NR2C2: variants seen among roughly 807,000 people sequenced by gnomAD.
NR2C2 encodes the protein nuclear receptor subfamily 2 group C member 2, also known as Nuclear hormone receptor TR4.
A neutral mutation model predicts 62.9 loss-of-function variants in NR2C2; 6 were observed. The observed-to-expected ratio is 0.10, with a 90% CI of 0.05 to 0.19. NR2C2 has a LOEUF of 0.19. Ranked by LOEUF, NR2C2 falls within the 10% of genes least tolerant of loss-of-function variation. The pLI, the probability that NR2C2 is intolerant of heterozygous loss-of-function variation, is 1.00. For synonymous variants in NR2C2, 272 were observed against 273.8 expected (o/e 0.99, Z 0.07); for missense variants, 479 against 762.7 (o/e 0.63, Z 4.38).
intron 8 of NR2C2, 31 bp downstream of exon 8, chr3:15,028,750 C>T (rs544100115): frequency 2.5e-6 from 4 of 1,605,202 alleles, no homozygotes; most frequent in South Asian, 1.1e-5. Context: ...AGTCTCCCCT[C>T]CTCGCCTGGA....
rs906650554 is a variant in NR2C2, at chr3:15,023,320, C to T, written c.677C>T (p.Thr226Met). 7 of 1,614,084 alleles carry T rather than the reference C, an allele frequency of 4.3e-6. No individual in the cohort carries two copies. Among genetic ancestry groups the T allele is most frequent in the Admixed American group, 3.3e-5 (2 of 60,010 alleles). ...AGAAGTCCCCTGATAGCTACTCCCA[C>T]GTTTGTGGCAGACAAAGATGGAGCA... Reference protein sequence around the residue: ...DLRSPLIATPTFVADKDGARQ... With the variant: ...DLRSPLIATPMFVADKDGARQ... Residue 226 changes from threonine to methionine, a missense_variant, in exon 6 of 14, where the codon ACG becomes ATG. Thr to Met is a moderately conservative substitution (Grantham distance 81). Transcript: ENST00000425241.
At chr3:14,978,820 C>T (rs901230120) in intron 1 of NR2C2, among the ~76,000 whole-genome samples, 1 of 152,152 alleles carries the variant, frequency 6.6e-6, no homozygotes, top group African/African-American at 2.4e-5. Context: ...CTTTGGTTCA[C>T]TCTTTGGTTC....
At position 15,023,229 on chromosome 3, in the gene NR2C2, G is replaced by A. The variant is rs2041726681; in HGVS notation, c.586G>A (p.Val196Met). 1 of 1,614,088 alleles carries A rather than the reference G, an allele frequency of 6.2e-7. No homozygotes were observed. Among genetic ancestry groups the A allele is most frequent in the Non-Finnish European group, 8.5e-7 (1 of 1,180,040 alleles). Residue 196 changes from valine (V) to methionine (M), a missense_variant, in exon 6 of 14, where the codon GTG becomes ATG. Transcript: ENST00000425241. ...SVQSERKPFD[V>M]QREKPSNCAA... ...GCAGAGTGAACGGAAGCCCTTCGATGTGCAACGGGAGAAACCAAGCAATTG... is the reference window on the plus strand; with the variant it reads ...GCAGAGTGAACGGAAGCCCTTCGATATGCAACGGGAGAAACCAAGCAATTG...
intron 1 of NR2C2, among the ~76,000 whole-genome samples, chr3:14,960,980 A>G (rs2039673684): frequency 6.6e-6 from 1 of 152,228 alleles, no homozygotes; most frequent in South Asian, 2.1e-4. Context: ...GAAACAAGTA[A>G]AAGTTAAGTT....
intron 4 of NR2C2, among the ~76,000 whole-genome samples, chr3:15,017,726 A>G (rs566008428): frequency 6.6e-5 from 10 of 152,390 alleles, no homozygotes; most frequent in Admixed American, 2.0e-4. Flanking sequence ...AAGGCACTTT[A>G]CCACAACTAT....
rs1442751407 is a variant in NR2C2 at position 15,032,397 on chromosome 3, A to G, written c.1129A>G (p.Met377Val). 5 of 1,614,182 alleles carry G rather than the reference A, an allele frequency of 3.1e-6. No homozygotes were observed. Among genetic ancestry groups the G allele is most frequent in the Non-Finnish European group, 4.2e-6 (5 of 1,180,018 alleles). The change falls in exon 10 of 14, where the codon ATG becomes GTG. Residue 377 changes from methionine to valine, a missense_variant. Transcript: ENST00000425241. ...TTTCCAGCTAACAATGCCCAGTCCA[A>G]TGCCAGAGTACCTCAACGTGCACTA... ...VTFKLTMPSPMPEYLNVHYIC... is the reference protein window; with the variant it reads ...VTFKLTMPSPVPEYLNVHYIC...
At chr3:14,949,662 C>T (rs146979068) in intron 1 of NR2C2, among the ~76,000 whole-genome samples, 1,719 of 152,308 alleles carry the variant, frequency 0.011, 15 homozygotes, top group Non-Finnish European at 0.016. Flanking sequence ...TTCAGTTCAT[C>T]AAGTATTTCC....
intron 13 of NR2C2, among the ~76,000 whole-genome samples, 181 bp downstream of exon 13, chr3:15,039,408 A>G (rs1367932417): frequency 2.0e-5 from 3 of 152,192 alleles, no homozygotes; most frequent in African/African-American, 7.2e-5. Context: ...AGCTAGAGAT[A>G]ATTCTTGAAT....
At position 15,016,193 on chromosome 3, in the gene NR2C2, G is replaced by T. The variant is rs775673691; in HGVS notation, c.315G>T (p.Lys105Asn). 3 of 1,614,146 alleles carry T rather than the reference G, an allele frequency of 1.9e-6. No homozygotes were observed. The East Asian group carries it at 6.7e-5, about 36-fold the overall frequency. The change falls in exon 4 of 14, where the codon AAG (lysine) becomes AAT (asparagine). Residue 105 changes from lysine to asparagine, a missense_variant. Transcript: ENST00000425241. ...CCTCTGTGGAGCGTTTACTGGGGAA[G>T]ACGGACGTCCAGCGGCCCCAGGTGG... ...DSASVERLLG[K>N]TDVQRPQVVE...
chr3:14,957,461 T>G (rs1195794173), intron 1 of NR2C2, among the ~76,000 whole-genome samples: 1 of 152,254 alleles, frequency 6.6e-6, no homozygotes, highest in East Asian at 1.9e-4. Flanking sequence ...TTCTGTTCTC[T>G]GCTTCTTTGT....
intron 1 of NR2C2, among the ~76,000 whole-genome samples, chr3:14,967,120 CTAAGT>C (rs2039880856): frequency 6.6e-6 from 1 of 152,108 alleles, no homozygotes; most frequent in African/African-American, 2.4e-5. Context: ...TTCATTTCAT[CTAAGT>C]TATCTAATTT....
intron 2 of NR2C2, among the ~76,000 whole-genome samples, chr3:15,012,002 A>C (rs1047178721): frequency 1.3e-5 from 2 of 152,198 alleles, no homozygotes; most frequent in African/African-American, 4.8e-5. Flanking sequence ...ATAGAAGTTT[A>C]GTTCTATGAT....
At chr3:15,037,044 C>T (rs1467018788) in intron 11 of NR2C2, among the ~76,000 whole-genome samples, 1 of 151,868 alleles carries the variant, frequency 6.6e-6, no homozygotes, top group Non-Finnish European at 1.5e-5. Flanking sequence ...ATCGCTTGAA[C>T]CTGGGAGGCG....
At chr3:14,969,550 A>G (rs2039976407) in intron 1 of NR2C2, among the ~76,000 whole-genome samples, 1 of 152,172 alleles carries the variant, frequency 6.6e-6, no homozygotes, top group Non-Finnish European at 1.5e-5. Flanking sequence ...CAATAAAGAT[A>G]CTTTTTAAAC....
chr3:14,954,512 A>T (rs887210372), intron 1 of NR2C2, among the ~76,000 whole-genome samples: 1 of 152,230 alleles, frequency 6.6e-6, no homozygotes, highest in Non-Finnish European at 1.5e-5. Context: ...GGAGAAATAA[A>T]TTGGGCATAG....
At chr3:14,952,888 G>T (rs1430981946) in intron 1 of NR2C2, among the ~76,000 whole-genome samples, 1 of 152,180 alleles carries the variant, frequency 6.6e-6, no homozygotes, top group African/African-American at 2.4e-5. Flanking sequence ...ATACCAAAAG[G>T]AAGAACTGCC....
intron 2 of NR2C2, among the ~76,000 whole-genome samples, chr3:15,011,148 A>T (rs2041341182): frequency 6.6e-6 from 1 of 152,170 alleles, no homozygotes; most frequent in Non-Finnish European, 1.5e-5. Flanking sequence ...CACCTGGGCA[A>T]CAAAATGATA....
chr3:14,984,797 G>C (rs1408628119), intron 1 of NR2C2, among the ~76,000 whole-genome samples: 1 of 151,690 alleles, frequency 6.6e-6, no homozygotes, highest in Non-Finnish European at 1.5e-5. Context: ...TTCTTGGGTA[G>C]ATAGCTAGGA....
chr3:15,024,075 A>G lies in NR2C2; in HGVS notation c.705-40A>G, dbSNP rs374396474. On this transcript the variant is annotated intron_variant, in intron 6 of 13. Transcript: ENST00000425241. The stretch of plus-strand genomic sequence containing the variant: ...GCAGCATGATCATACTGTGCATAAA[A>G]TGTTGGAAGCTACTCTGAGTTTCTT... The G allele has an allele frequency of 1.2e-5, 16 of 1,346,804 alleles. No homozygotes were observed. The Middle Eastern group carries it at 7.4e-4, about 62-fold the overall frequency. 83.4% of individuals were successfully genotyped at this position (1,346,804 alleles called of 1,614,324 possible).
Sources: allele counts gnomAD v4.1 joint callset (sites outside exome capture counted in the v4.1 genomes callset), GRCh38; gene constraint gnomAD v4.1.1; transcripts MANE v1.5; gene names NCBI Gene and HGNC (gene_info 2026-07-23, HGNC 2026-07-21).